Variants in IGFL2 observed in about 807,000 individuals in gnomAD.
IGFL2 encodes insulin growth factor-like family member 2.
IGFL2 carries 7 observed loss-of-function variants against 13.9 expected under a neutral mutation model. The ratio of observed to expected loss-of-function variants is 0.51; its 90% CI spans 0.29 to 0.95. The LOEUF is 0.95. Among genes scored for constraint, IGFL2 ranks in the 40% least tolerant of loss-of-function variants. The probability of loss-of-function intolerance (pLI) is 0.08; values close to 1 mark genes in which losing one functional copy is unlikely to be tolerated. For missense variants in IGFL2, 138 were observed against 147.8 expected, an observed-to-expected ratio of 0.93 and a Z score of 0.34; for synonymous variants, 55 against 55.8, an observed-to-expected ratio of 0.99 and a Z score of 0.07.
At chr19:46,144,234 G>A (rs1973000703), upstream of IGFL2, among the ~76,000 whole-genome samples, 1 of 152,148 alleles carries the variant, frequency 6.6e-6, no homozygotes, top group Non-Finnish European at 1.5e-5. Context: ...ATACTGAAAT[G>A]CCAACTTCAT....
the IGFL2 span, chr19:46,196,186 C>G: frequency 2.2e-3 from 407 of 186,410 alleles, 3 homozygotes; most frequent in African/African-American, 9.2e-3. Flanking sequence ...AGCCAAGGAG[C>G]TGCTGAGACC....
At chr19:46,126,383 C>T in the IGFL2 span, among the ~76,000 whole-genome samples, 1 of 152,170 alleles carries the variant, frequency 6.6e-6, no homozygotes, top group African/African-American at 2.4e-5. Flanking sequence ...GACACCCATA[C>T]TGCAAGTTAT....
the IGFL2 span, chr19:46,198,016 T>TCCCA: frequency 4.4e-5 from 1 of 22,650 alleles, no homozygotes; most frequent in Non-Finnish European, 8.8e-5. Context: ...CCTCCCTCCC[T>TCCCA]CCCTCCCTCC....
the IGFL2 span, among the ~76,000 whole-genome samples, chr19:46,090,049 C>T: frequency 9.8e-4 from 148 of 151,674 alleles, no homozygotes; most frequent in African/African-American, 3.5e-3. Context: ...TTATTTTTTT[C>T]TTTTTTCCCC....
At chr19:46,088,523 A>G in the IGFL2 span, among the ~76,000 whole-genome samples, 1 of 152,252 alleles carries the variant, frequency 6.6e-6, no homozygotes, top group Non-Finnish European at 1.5e-5. Flanking sequence ...GCCATCATTC[A>G]TCTACTTGGC....
the IGFL2 span, among the ~76,000 whole-genome samples, chr19:46,079,420 GCA>G: frequency 1.3e-5 from 2 of 152,202 alleles, no homozygotes; most frequent in Non-Finnish European, 2.9e-5. Context: ...GTACCATGGT[GCA>G]CCTGGTTTTG....
At chr19:46,142,361 T>C (rs532261633), upstream of IGFL2, among the ~76,000 whole-genome samples, 122 of 152,344 alleles carry the variant, frequency 8.0e-4, 1 homozygote, top group Middle Eastern at 0.017. Context: ...CCTCAAACAT[T>C]ACAAAAATAC....
the IGFL2 span, among the ~76,000 whole-genome samples, chr19:46,186,597 C>T: frequency 6.6e-6 from 1 of 152,186 alleles, no homozygotes; most frequent in Admixed American, 6.5e-5. Context: ...CATCACATCC[C>T]GTTTCTCCTA....
At chr19:46,163,198 T>C (rs1361119084), downstream of IGFL2, among the ~76,000 whole-genome samples, 1 of 152,202 alleles carries the variant, frequency 6.6e-6, no homozygotes, top group African/African-American at 2.4e-5. Context: ...TCTGAAAGTG[T>C]GGGTTCCTCT....
At chr19:46,102,813 CG>C in the IGFL2 span, among the ~76,000 whole-genome samples, 1 of 151,830 alleles carries the variant, frequency 6.6e-6, no homozygotes, top group Non-Finnish European at 1.5e-5. Flanking sequence ...AGTGTTGGGG[CG>C]GCAAAATATT....
At chr19:46,154,727 G>A (rs1306784435) in intron 1 of IGFL2, among the ~76,000 whole-genome samples, 1 of 152,164 alleles carries the variant, frequency 6.6e-6, no homozygotes, top group Non-Finnish European at 1.5e-5. Context: ...GGGATTACAG[G>A]CGTGAGCCAC....
chr19:46,200,382 C>T, the IGFL2 span, among the ~76,000 whole-genome samples: 13,685 of 150,978 alleles, frequency 0.091, 865 homozygotes, highest in Non-Finnish European at 0.14. Flanking sequence ...TCATGTTACC[C>T]AGGCTGGTCT....
chr19:46,171,882 G>A, the IGFL2 span, among the ~76,000 whole-genome samples: 254 of 152,252 alleles, frequency 1.7e-3, 1 homozygote, highest in Admixed American at 3.9e-3. Flanking sequence ...TGAAAAGTGG[G>A]TGCCGTACAG....
At chr19:46,159,071 C>G (rs1246090482) in intron 1 of IGFL2, 1 of 152,222 alleles carries the variant, frequency 6.6e-6, no homozygotes, top group African/African-American at 2.4e-5. Flanking sequence ...ACTCTAGAAC[C>G]ACATGCCCTT....
rs866490588 is a variant in IGFL2, at chr19:46,160,805, G to A, written c.265G>A (p.Asp89Asn). 6 of 1,614,028 alleles carry A rather than the reference G, an allele frequency of 3.7e-6. No individual in the cohort carries two copies. In the Admixed American group the frequency reaches 6.7e-5, roughly 18 times the overall value. The change falls in exon 3 of 4, where the codon GAT becomes AAT. Residue 89 changes from aspartate to asparagine, a missense_variant. Asp to Asn is a conservative substitution (Grantham distance 23, BLOSUM62 1). Coordinates refer to ENST00000377693, the MANE Select transcript of IGFL2 (RefSeq NM_001135113.2). ...TCTTGATTCCTTTGGCCTCACAAAC[G>A]ATTTTGTTGTGAAGCTGAAGGTTCA... is the stretch of plus-strand genomic sequence containing the variant. ...CCLDSFGLTN[D>N]FVVKLKVQGV...
At chr19:46,176,211 G>A in the IGFL2 span, among the ~76,000 whole-genome samples, 1 of 151,400 alleles carries the variant, frequency 6.6e-6, no homozygotes, top group Non-Finnish European at 1.5e-5. Flanking sequence ...AAGAAAACTG[G>A]AGAAGGATCC....
intron 1 of IGFL2, chr19:46,148,742 A>G (rs544651212): frequency 4.5e-5 from 38 of 835,524 alleles, no homozygotes; most frequent in Middle Eastern, 3.7e-4. Context: ...AGGGAGAAGA[A>G]AGGAGGGAGG....
upstream of IGFL2, chr19:46,148,143 G>A: frequency 1.5e-6 from 1 of 686,400 alleles, no homozygotes. Context: ...GGCTTCTCAT[G>A]CCCCACCCTT....
chr19:46,147,598 C>T (rs564751334), upstream of IGFL2, among the ~76,000 whole-genome samples: 2 of 152,312 alleles, frequency 1.3e-5, no homozygotes, highest in African/African-American at 2.4e-5. Context: ...CAATAGGCGA[C>T]GTCTGGGAAG....
Sources: allele counts gnomAD v4.1 joint callset (sites outside exome capture counted in the v4.1 genomes callset), GRCh38; gene constraint gnomAD v4.1.1; transcripts MANE v1.5; gene names NCBI Gene and HGNC (gene_info 2026-07-23, HGNC 2026-07-21).